RELL1: variants seen among roughly 807,000 people sequenced by gnomAD.
RELL1 encodes RELT-like protein 1.
In RELL1, 10 loss-of-function variants were observed where a neutral mutation model predicts 23.0. The ratio of observed to expected loss-of-function variants is 0.43; its 90% confidence interval spans 0.27 to 0.74. The LOEUF is 0.74. Ranked by LOEUF, RELL1 falls within the 30% of genes least tolerant of loss-of-function variation. The probability of loss-of-function intolerance (pLI) is 0.19; values close to 1 mark genes in which losing one functional copy is unlikely to be tolerated. For missense variants in RELL1, 315 were observed against 364.4 expected, an observed-to-expected ratio of 0.86 and a Z score of 1.10; for synonymous variants, 146 against 146.8, an observed-to-expected ratio of 0.99 and a Z score of 0.04.
Position 37,611,551 on chromosome 4 carries a change from T to C in RELL1, c.*1795A>G, listed in dbSNP as rs898015583. On this transcript the variant is annotated 3_prime_UTR_variant, in exon 7 of 7. Transcript: ENST00000454158. ...TCTTTTGGGAGACAAATGAAAGATG[T>C]GCATTTTCCTATATGAAATAAAAGA... is the stretch of plus-strand genomic sequence containing the variant. 6.6e-6 allele frequency among the ~76,000 whole-genome samples: 1 copy of C among 152,156 alleles called. No homozygotes were observed. The highest frequency in any genetic ancestry group is 2.4e-5 in the African/African-American group (1 of 41,454).
rs574263867 is a variant in RELL1, at chr4:37,654,082, A to G, written c.89-4582T>C. On this transcript the variant is annotated intron_variant, in intron 1 of 6. Coordinates refer to ENST00000454158, the MANE Select transcript of RELL1 (RefSeq NM_001085400.2). ...TGCATGGTGTCACTGTGAAGATTAA[A>G]CAATATTAATATGTAAAGCATTCAG... Among the ~76,000 whole-genome samples, 23 of 152,366 alleles carry G rather than the reference A, an allele frequency of 1.5e-4. No individual in the cohort carries two copies. In the South Asian group the frequency reaches 3.9e-3, roughly 26 times the overall value.
intron 1 of RELL1, among the ~76,000 whole-genome samples, chr4:37,668,635 C>T (rs1195035987): frequency 6.6e-6 from 1 of 151,510 alleles, no homozygotes; most frequent in Non-Finnish European, 1.5e-5. Flanking sequence ...GCCCGGCCGC[C>T]ACCCCGTCTG....
intron 6 of RELL1, among the ~76,000 whole-genome samples, chr4:37,603,236 C>T (rs1195361163): frequency 2.0e-5 from 3 of 152,138 alleles, no homozygotes; most frequent in African/African-American, 7.2e-5. Context: ...GAGCTGGACA[C>T]CAGCTGAACC....
At chr4:37,679,357 C>T (rs528949798) in intron 1 of RELL1, among the ~76,000 whole-genome samples, 13 of 152,234 alleles carry the variant, frequency 8.5e-5, no homozygotes, top group Middle Eastern at 6.8e-3. Context: ...CAAAGTTGTA[C>T]TTCTTTTTCT....
intron 6 of RELL1, chr4:37,623,067 T>C (rs939458731): frequency 2.9e-5 from 10 of 339,448 alleles, no homozygotes; most frequent in African/African-American, 2.0e-4. Flanking sequence ...CCTCCCAAAG[T>C]GCTGAGATTA....
chr4:37,633,423 AAAAAAAAAAAAAAAAAAAAAAAAG>A, intron 5 of RELL1, among the ~76,000 whole-genome samples: 1 of 99,184 alleles, frequency 1.0e-5, no homozygotes. Flanking sequence ...AAAAAAAAAA[AAAAAAAAAAAAAAAAAAAAAAAAG>A]GCATGTTGAA....
In RELL1 at chr4:37,649,400, A is replaced by G; in HGVS notation, c.189T>C (p.Leu63=). The change falls in exon 2 of 7, where the codon CTT becomes CTC. Residue 63 remains leucine (L), a synonymous_variant. Coordinates refer to ENST00000454158, the MANE Select transcript of RELL1 (RefSeq NM_001085400.2). The stretch of plus-strand genomic sequence containing the variant: ...GACCCATGATAAAGAACACAGGGAC[A>G]AGCGCGTATGCAATATATTCTGGGT... ...NGHPEYIAYA[L]VPVFFIMGLF... is the part of the protein sequence containing the mutation. 1 of 1,614,256 alleles carries G rather than the reference A, an allele frequency of 6.2e-7. No individual in the cohort carries two copies. Among genetic ancestry groups the G allele is most frequent in the South Asian group, 1.1e-5 (1 of 91,090 alleles).
In RELL1 at chr4:37,638,434, G is replaced by T. The variant is rs780504680; in HGVS notation, c.443+13C>A. On this transcript the variant is annotated intron_variant, in intron 4 of 6. Transcript: ENST00000454158. ...AAAGATGTCGCACTAAGAAAGAGGG[G>T]AGGAGCACTCACCTTTCAGGATCAT... The T allele has an allele frequency of 1.4e-5, 22 of 1,605,218 alleles. No homozygotes were observed. The highest frequency in any genetic ancestry group is 1.7e-5 in the Admixed American group (1 of 59,352).
At chr4:37,681,615 G>A (rs1019056207) in intron 1 of RELL1, among the ~76,000 whole-genome samples, 8 of 134,488 alleles carry the variant, frequency 5.9e-5, no homozygotes, top group Admixed American at 1.8e-4. Flanking sequence ...TGCAACCTCC[G>A]CTTCCCAGGT....
At chr4:37,657,333 A>G (rs1721151363) in intron 1 of RELL1, among the ~76,000 whole-genome samples, 1 of 152,178 alleles carries the variant, frequency 6.6e-6, no homozygotes, top group Admixed American at 6.5e-5. Flanking sequence ...CACTGAGCTC[A>G]TTGTGCTCCT....
Position 37,635,060 on chromosome 4 carries a change from C to T in RELL1, c.507G>A (p.Gly169=). ...PVSPGPLSPG[G]TPGKHVCGHH... is the part of the protein sequence containing the mutation. ...GGCCACAGACGTGCTTCCCTGGCGTCCCCCCTGGTGACAAAGGCCCAGGAC... is the reference window on the plus strand; with the variant it reads ...GGCCACAGACGTGCTTCCCTGGCGTTCCCCCTGGTGACAAAGGCCCAGGAC... The change falls in exon 5 of 7, where the codon GGG becomes GGA. Residue 169 remains glycine (G), a synonymous_variant. Coordinates refer to ENST00000454158, the MANE Select transcript of RELL1 (RefSeq NM_001085400.2). 1.2e-6 allele frequency: 2 copies of T among 1,614,158 alleles called. No individual in the cohort carries two copies. Among genetic ancestry groups the T allele is most frequent in the South Asian group, 1.1e-5 (1 of 91,084 alleles).
At chr4:37,598,411 G>C (rs1173295199) in intron 6 of RELL1, among the ~76,000 whole-genome samples, 2 of 151,812 alleles carry the variant, frequency 1.3e-5, no homozygotes, top group East Asian at 1.9e-4. Flanking sequence ...TATGGGTTTT[G>C]GTATTTTGTT....
At chr4:37,598,252 CAAAAAAAAAAAAAAAA>C (rs56142508) in intron 6 of RELL1, among the ~76,000 whole-genome samples, 14 of 11,350 alleles carry the variant, frequency 1.2e-3, no homozygotes, top group East Asian at 0.012. Context: ...AACTCTGTCT[CAAAAAAAAAAAAAAAA>C]AAAAAAAAAA....
rs1256252183 is a variant in RELL1, at chr4:37,601,116, C to CA, written c.*4-9900dup. On this transcript the variant is annotated intron_variant, in intron 6 of 6. Coordinates refer to the RELL1 transcript ENST00000314117. ...GTCAAGGCAAGAAAGTCATTCTTTCCAATAAGGCAGTTGACCTGCCATCAG... is the reference window on the plus strand; with the variant it reads ...GTCAAGGCAAGAAAGTCATTCTTTCCAAATAAGGCAGTTGACCTGCCATCAG... Among the ~76,000 whole-genome samples the CA allele has an allele frequency of 2.0e-5, 3 of 152,252 alleles. No individual in the cohort carries two copies. The East Asian group carries it at 5.8e-4, about 29-fold the overall frequency.
chr4:37,660,945 A>G (rs993263745), intron 1 of RELL1, among the ~76,000 whole-genome samples: 23 of 151,740 alleles, frequency 1.5e-4, no homozygotes, highest in East Asian at 1.2e-3. Context: ...GCAGGAGAAC[A>G]GCGTGAACCC....
rs113773251 is a variant in RELL1 at position 37,611,933 on chromosome 4, T to C, written c.*1413A>G. Among the ~76,000 whole-genome samples, 913 of 152,072 alleles carry C rather than the reference T, an allele frequency of 6.0e-3. 6 individuals are homozygous for C. Among genetic ancestry groups the C allele is most frequent in the African/African-American group, 0.021 (875 of 41,482 alleles). ...GCTCAAGCCTGTAATCCCAGAACTTTGGGAGGCCGAGGCGGGTGGATCACG... is the reference window on the plus strand; with the variant it reads ...GCTCAAGCCTGTAATCCCAGAACTTCGGGAGGCCGAGGCGGGTGGATCACG... On this transcript the variant is annotated 3_prime_UTR_variant, in exon 7 of 7. Coordinates refer to ENST00000454158, the MANE Select transcript of RELL1 (RefSeq NM_001085400.2).
intron 6 of RELL1, among the ~76,000 whole-genome samples, chr4:37,599,817 C>CA (rs1718968733): frequency 6.6e-6 from 1 of 152,206 alleles, no homozygotes; most frequent in South Asian, 2.1e-4. Flanking sequence ...CATATGTCCC[C>CA]ACCCATGAAC....
intron 1 of RELL1, among the ~76,000 whole-genome samples, chr4:37,663,729 A>C (rs1277294701): frequency 6.6e-6 from 1 of 151,932 alleles, no homozygotes; most frequent in Non-Finnish European, 1.5e-5. Context: ...CGGGGCCCAC[A>C]CTCTTAGCCA....
chr4:37,673,186 C>CTTTTTTTTTTTTTTTTTTTT (rs71189095), intron 1 of RELL1, among the ~76,000 whole-genome samples: 10 of 93,180 alleles, frequency 1.1e-4, no homozygotes, highest in East Asian at 3.8e-4. Context: ...CTTTTTTTTT[C>CTTTTTTTTTTTTTTTTTTTT]TTTTTTTTTT....
Sources: gnomAD v4.1 joint callset for allele counts (sites outside exome capture counted in the v4.1 genomes callset) on GRCh38, gnomAD v4.1.1 for gene constraint, MANE v1.5 for transcripts, NCBI Gene and HGNC (gene_info 2026-07-23, HGNC 2026-07-21) for gene names.